The following GABRB1 variants were observed in gnomAD, a reference collection of about 807,000 sequenced individuals.
GABRB1 encodes gamma-aminobutyric acid receptor subunit beta-1.
A neutral mutation model predicts 51.6 loss-of-function variants in GABRB1; 17 were observed. The ratio of observed to expected loss-of-function variants is 0.33; its 90% CI spans 0.23 to 0.49. The LOEUF is 0.49. GABRB1 is among the 20% of genes least tolerant of loss of function. GABRB1 has a pLI of 0.99. For missense variants in GABRB1, 410 were observed against 600.6 expected, an observed-to-expected ratio of 0.68 and a Z score of 3.32; for synonymous variants, 247 against 218.9, an observed-to-expected ratio of 1.13 and a Z score of -1.14.
intron 5 of GABRB1, among the ~76,000 whole-genome samples, chr4:47,349,302 A>T (rs1402463891): frequency 6.6e-6 from 1 of 152,132 alleles, no homozygotes; most frequent in African/African-American, 2.4e-5. Context: ...TAATAACTGG[A>T]TAGAATAAAG....
chr4:47,126,029 C>T (rs1716124335), intron 3 of GABRB1, among the ~76,000 whole-genome samples: 1 of 151,246 alleles, frequency 6.6e-6, no homozygotes, highest in Admixed American at 6.6e-5. Context: ...TACATATATA[C>T]ACACATATAT....
In GABRB1 at chr4:47,096,793, G is replaced by T. The variant is rs141721122; in HGVS notation, c.240+64309G>T. Among the ~76,000 whole-genome samples the T allele has an allele frequency of 3.3e-5, 5 of 152,284 alleles. No homozygotes were observed. In the East Asian group the frequency reaches 9.6e-4, roughly 29 times the overall value. ...TGAAGATGGTGAAGATGGAGGAAAG[G>T]TCTATGAGCAGAGGAATGTGGGCAG... On this transcript the variant is annotated intron_variant, in intron 3 of 8. Transcript: ENST00000295454.
chr4:47,058,497 A>G (rs375619126), intron 3 of GABRB1, among the ~76,000 whole-genome samples: 4 of 152,194 alleles, frequency 2.6e-5, no homozygotes, highest in African/African-American at 9.6e-5. Flanking sequence ...GTATGTCACT[A>G]GAGGGACTCT....
At chr4:47,142,645 A>C (rs1417438461) in intron 3 of GABRB1, among the ~76,000 whole-genome samples, 4 of 151,974 alleles carry the variant, frequency 2.6e-5, no homozygotes, top group Non-Finnish European at 4.4e-5. Flanking sequence ...ATAGTTATTC[A>C]GAAGAGAGTA....
chr4:47,275,564 T>C (rs1045931493), intron 4 of GABRB1, among the ~76,000 whole-genome samples: 10 of 152,144 alleles, frequency 6.6e-5, no homozygotes, highest in Admixed American at 1.3e-4. Context: ...TCAAAGAGTA[T>C]ATCTTATCTT....
chr4:47,244,973 A>G (rs1420391441), intron 4 of GABRB1, among the ~76,000 whole-genome samples: 1 of 152,206 alleles, frequency 6.6e-6, no homozygotes, highest in Non-Finnish European at 1.5e-5. Flanking sequence ...AAGCTAGCAG[A>G]AGGCAAGAAA....
chr4:47,349,942 C>G (rs1560345650), intron 5 of GABRB1, among the ~76,000 whole-genome samples: 1 of 151,924 alleles, frequency 6.6e-6, no homozygotes, highest in Non-Finnish European at 1.5e-5. Context: ...ATATAGTGGT[C>G]TTTGCTTCTG....
chr4:47,182,497 G>A (rs572712288), intron 4 of GABRB1, among the ~76,000 whole-genome samples: 1 of 152,012 alleles, frequency 6.6e-6, no homozygotes, highest in Non-Finnish European at 1.5e-5. Flanking sequence ...TATGTGCATA[G>A]GGAATATTAT....
chr4:47,090,755 T>C (rs974392792), intron 3 of GABRB1, among the ~76,000 whole-genome samples: 3 of 151,942 alleles, frequency 2.0e-5, no homozygotes, highest in Non-Finnish European at 2.9e-5. Flanking sequence ...GACTAGAGAG[T>C]ATGGACCAGT....
At position 47,406,761 on chromosome 4, in the gene GABRB1, G is replaced by A. The variant is rs548869600; in HGVS notation, c.915G>A (p.Ala305=). The change falls in exon 8 of 9, where the codon GCG becomes GCA. Residue 305 remains alanine, a synonymous_variant. Transcript: ENST00000295454. ...TGCCAAAGATCCCTTATGTCAAAGCGATTGATATTTATCTGATGGGTTGCT... is the reference window on the plus strand; with the variant it reads ...TGCCAAAGATCCCTTATGTCAAAGCAATTGATATTTATCTGATGGGTTGCT... ...ETLPKIPYVK[A]IDIYLMGCFV... The A allele has an allele frequency of 8.1e-6, 13 of 1,614,152 alleles. No individual in the cohort carries two copies. Among genetic ancestry groups the A allele is most frequent in the African/African-American group, 8.0e-5 (6 of 75,032 alleles).
chr4:47,403,781 T>G (rs1245145991), intron 7 of GABRB1, 70 bp downstream of exon 7: 3 of 1,497,168 alleles, frequency 2.0e-6, no homozygotes, highest in Non-Finnish European at 2.7e-6. Flanking sequence ...TATCAGGAAT[T>G]ATAGGCAAGG....
At chr4:47,424,663 TAGCAC>T (rs1177420981) in intron 8 of GABRB1, among the ~76,000 whole-genome samples, 2 of 152,242 alleles carry the variant, frequency 1.3e-5, no homozygotes, top group Non-Finnish European at 2.9e-5. Context: ...ATACACATGT[TAGCAC>T]AGCTCCCTCT....
At chr4:47,114,156 C>A (rs1394272013) in intron 3 of GABRB1, among the ~76,000 whole-genome samples, 1 of 151,812 alleles carries the variant, frequency 6.6e-6, no homozygotes, top group African/African-American at 2.4e-5. Context: ...TTTTCTCAAT[C>A]CTATGTATAG....
chr4:47,280,223 G>A (rs1025280308), intron 4 of GABRB1, among the ~76,000 whole-genome samples: 1 of 151,598 alleles, frequency 6.6e-6, no homozygotes, highest in Non-Finnish European at 1.5e-5. Context: ...CTAATAGCAG[G>A]CTATTTTAAG....
chr4:47,063,759 A>G (rs982554795), intron 3 of GABRB1, among the ~76,000 whole-genome samples: 2 of 152,188 alleles, frequency 1.3e-5, no homozygotes, highest in Non-Finnish European at 2.9e-5. Flanking sequence ...GCTGGAAGCC[A>G]TTATCCTCAG....
chr4:47,417,155 T>G (rs1449865091), intron 8 of GABRB1, among the ~76,000 whole-genome samples: 5 of 152,008 alleles, frequency 3.3e-5, no homozygotes, highest in Non-Finnish European at 5.9e-5. Context: ...CATTATCGAG[T>G]GTAATCTCCT....
chr4:47,319,952 A>T (rs1298441386), intron 4 of GABRB1, among the ~76,000 whole-genome samples, 175 bp from the exon 5 acceptor site: 2 of 152,198 alleles, frequency 1.3e-5, no homozygotes, highest in Non-Finnish European at 2.9e-5. Context: ...CCACCTGTCC[A>T]TCTAGATTAT....
intron 3 of GABRB1, among the ~76,000 whole-genome samples, chr4:47,117,792 A>T (rs1715571282): frequency 1.3e-5 from 2 of 152,216 alleles, no homozygotes; most frequent in Admixed American, 6.5e-5. Context: ...AGACTGCATT[A>T]TCTCCAGTTT....
At chr4:47,264,254 C>A (rs1722562749) in intron 4 of GABRB1, among the ~76,000 whole-genome samples, 1 of 152,126 alleles carries the variant, frequency 6.6e-6, no homozygotes, top group South Asian at 2.1e-4. Context: ...TTTTTTCCTA[C>A]AATGTTTGCA....
Sources: allele counts gnomAD v4.1 joint callset (sites outside exome capture counted in the v4.1 genomes callset), GRCh38; gene constraint gnomAD v4.1.1; transcripts MANE v1.5; gene names NCBI Gene and HGNC (gene_info 2026-07-23, HGNC 2026-07-21).